The following UTRN variants were observed in gnomAD, a reference collection of about 807,000 sequenced individuals.
UTRN encodes the protein utrophin.
In UTRN, 283 loss-of-function variants were observed where a neutral mutation model predicts 463.9. The ratio of observed to expected loss-of-function variants is 0.61; its 90% CI spans 0.55 to 0.67. UTRN has a LOEUF of 0.67. UTRN is among the 30% of genes least tolerant of loss of function. UTRN has a pLI of 0.00. For synonymous variants in UTRN, 1,442 were observed against 1,431.5 expected (o/e 1.01, Z -0.17); for missense variants, 3,922 against 4,084.3 (o/e 0.96, Z 1.08).
chr6:144,683,836 T>G (rs1365934243), intron 52 of UTRN, among the ~76,000 whole-genome samples: 1 of 152,108 alleles, frequency 6.6e-6, no homozygotes, highest in African/African-American at 2.4e-5. Flanking sequence ...CAGAAAACAC[T>G]GGCTGAAAAG....
chr6:144,574,681 A>G (rs940482069), intron 50 of UTRN, among the ~76,000 whole-genome samples: 1 of 152,126 alleles, frequency 6.6e-6, no homozygotes, highest in Non-Finnish European at 1.5e-5. Flanking sequence ...CCTGAATTCA[A>G]GCAATTCTTA....
chr6:144,554,578 CCTT>C, intron 48 of UTRN, 107 bp from the exon 49 acceptor site: 1 of 1,122,974 alleles, frequency 8.9e-7, no homozygotes, highest in Non-Finnish European at 1.3e-6. Context: ...TATCAGCTTG[CCTT>C]CTTCTGTTTA....
chr6:144,750,349 CTCT>C (rs1791255876), intron 55 of UTRN, among the ~76,000 whole-genome samples: 1 of 152,174 alleles, frequency 6.6e-6, no homozygotes, highest in Non-Finnish European at 1.5e-5. Context: ...ACTATCTCAA[CTCT>C]TCTTCTCCTT....
chr6:144,821,587 A>C (rs906870998), intron 66 of UTRN, among the ~76,000 whole-genome samples: 2 of 152,110 alleles, frequency 1.3e-5, no homozygotes, highest in Non-Finnish European at 2.9e-5. Context: ...ATTTATTCAA[A>C]GTGTATAATT....
At chr6:144,510,803 TAAA>T in intron 34 of UTRN, 138 bp from the exon 35 acceptor site, 1 of 684,246 alleles carries the variant, frequency 1.5e-6, no homozygotes. Flanking sequence ...GGGAATTTTG[TAAA>T]CTTTGACATT....
rs1405035937 is a variant in UTRN at position 144,762,052 on chromosome 6, G to A, written c.8495+4063G>A. Reference sequence around the variant, plus strand: ...GGTGTTGTGCTGAATCTTGTGCATAGATGATCTCTTTTAATTCTCTCATTA... The same window carrying A: ...GGTGTTGTGCTGAATCTTGTGCATAAATGATCTCTTTTAATTCTCTCATTA... On this transcript the variant is annotated intron_variant, in intron 58 of 74. Coordinates refer to ENST00000367545, the MANE Select transcript of UTRN (RefSeq NM_007124.3). Among the ~76,000 whole-genome samples the A allele has an allele frequency of 2.6e-5, 4 of 152,228 alleles. No homozygotes were observed. The South Asian group carries it at 8.3e-4, about 32-fold the overall frequency.
chr6:144,729,559 A>G (rs938860254), intron 53 of UTRN, among the ~76,000 whole-genome samples: 13 of 152,228 alleles, frequency 8.5e-5, no homozygotes, highest in African/African-American at 2.2e-4. Flanking sequence ...TAAGAGGATA[A>G]CAACATTAAC....
intron 51 of UTRN, among the ~76,000 whole-genome samples, chr6:144,616,972 G>A (rs1251162205): frequency 6.6e-6 from 1 of 152,102 alleles, no homozygotes; most frequent in African/African-American, 2.4e-5. Context: ...GAATCCGTGA[G>A]CAGAAATCTA....
chr6:144,294,615 A>G (rs917646998), intron 2 of UTRN, among the ~76,000 whole-genome samples: 1 of 151,022 alleles, frequency 6.6e-6, no homozygotes, highest in African/African-American at 2.4e-5. Flanking sequence ...ATTGGATGAA[A>G]GTGGGGGGAC....
At chr6:144,546,520 G>A (rs1383182727) in intron 46 of UTRN, among the ~76,000 whole-genome samples, 1 of 152,154 alleles carries the variant, frequency 6.6e-6, no homozygotes. Flanking sequence ...AGCATAAGAT[G>A]CTGGGCACAG....
At chr6:144,793,761 A>G (rs1382007645) in intron 62 of UTRN, 73 bp from the exon 63 acceptor site, 2 of 1,547,510 alleles carry the variant, frequency 1.3e-6, no homozygotes, top group South Asian at 1.3e-5. Flanking sequence ...TTCAGTCCAC[A>G]TTACCAAAGA....
At chr6:144,652,518 A>C (rs750997363) in intron 51 of UTRN, among the ~76,000 whole-genome samples, 3 of 152,214 alleles carry the variant, frequency 2.0e-5, no homozygotes, top group Non-Finnish European at 4.4e-5. Flanking sequence ...ACCTACTTGA[A>C]AGATAAAGCG....
chr6:144,669,356 G>A (rs1325427344), intron 51 of UTRN, among the ~76,000 whole-genome samples: 2 of 151,932 alleles, frequency 1.3e-5, no homozygotes, highest in Non-Finnish European at 2.9e-5. Context: ...TATTTTTGTA[G>A]TCCTATTGTG....
rs1216963080 is a variant in UTRN, at chr6:144,760,229, G to A, written c.8495+2240G>A. Among the ~76,000 whole-genome samples, 3 of 152,006 alleles carry A rather than the reference G, an allele frequency of 2.0e-5. No homozygotes were observed. The East Asian group carries it at 5.8e-4, about 29-fold the overall frequency. On this transcript the variant is annotated intron_variant, in intron 58 of 74. Coordinates refer to ENST00000367545, the MANE Select transcript of UTRN (RefSeq NM_007124.3). ...GGTAGGATTGTATTCTTGTTCTTGT[G>A]GGGCAGAGTTCTTATGGGGCAGATT... is the stretch of plus-strand genomic sequence containing the variant.
At chr6:144,808,129 T>C (rs1778306201) in intron 65 of UTRN, among the ~76,000 whole-genome samples, 1 of 152,150 alleles carries the variant, frequency 6.6e-6, no homozygotes, top group South Asian at 2.1e-4. Context: ...TTATGTTTGT[T>C]GAATACCCTT....
chr6:144,446,974 C>A (rs1197469823), intron 14 of UTRN, among the ~76,000 whole-genome samples: 2 of 152,114 alleles, frequency 1.3e-5, no homozygotes, highest in Admixed American at 6.5e-5. Context: ...AGGTTTAGTT[C>A]CCTAGGTATG....
chr6:144,799,501 G>A, intron 64 of UTRN: 1 of 471,670 alleles, frequency 2.1e-6, no homozygotes, highest in South Asian at 1.5e-5. Context: ...ATGCAGCAGG[G>A]TTCTTGGAAT....
In UTRN at chr6:144,490,313, G is replaced by A. The variant is rs186668002; in HGVS notation, c.4263+114G>A. ...TTGTATTCTTTGTGATGTAAACCAT[G>A]GGATGGGAGTGATGATGTGTTGAAG... On this transcript the variant is annotated intron_variant, in intron 31 of 74. Transcript: ENST00000367545. 1.2e-4 allele frequency: 173 copies of A among 1,417,700 alleles called. 2 individuals carry two copies. In the African/African-American group the frequency reaches 2.2e-3, roughly 18 times the overall value. 87.8% of individuals were successfully genotyped at this position (1,417,700 alleles called of 1,614,324 possible).
rs1253070486 is a variant in UTRN at position 144,577,285 on chromosome 6, G to T, written c.7476G>T (p.Met2492Ile). 5.6e-6 allele frequency: 9 copies of T among 1,613,412 alleles called. No homozygotes were observed. The highest frequency in any genetic ancestry group is 7.6e-6 in the Non-Finnish European group (9 of 1,179,734). Residue 2492 changes from methionine (M) to isoleucine (I), a missense_variant, in exon 51 of 75, where the codon ATG becomes ATT. Met to Ile is a conservative substitution (Grantham distance 10). Around this residue, in one of 3 missense-constraint regions of UTRN, gnomAD observed 1,309 missense variants for 1,452.6 expected, o/e 0.90. Coordinates refer to ENST00000367545, the MANE Select transcript of UTRN (RefSeq NM_007124.3). ...TGGCCAGGGAACTCAAACAGCAGAT[G>T]CAGGTAAGTGCATGGGAAACCACAC... ...SILARELKQQ[M>I]QDIQAEIDAH...
Sources: allele counts gnomAD v4.1 joint callset (sites outside exome capture counted in the v4.1 genomes callset), GRCh38; gene constraint gnomAD v4.1.1; regional missense constraint gnomAD v4.1.1; transcripts MANE v1.5; gene names NCBI Gene and HGNC (gene_info 2026-07-23, HGNC 2026-07-21).